The following MAGI2 variants were observed in gnomAD, a reference collection of about 807,000 sequenced individuals.
The protein encoded by MAGI2 is membrane associated guanylate kinase, WW and PDZ domain containing 2.
In MAGI2, 35 loss-of-function variants were observed where a neutral mutation model predicts 133.3. That is an observed-to-expected ratio of 0.26 (90% CI 0.20 to 0.35). The LOEUF (loss-of-function observed/expected upper bound fraction) is 0.35. Among genes scored for constraint, MAGI2 ranks in the 10% least tolerant of loss-of-function variants. The pLI, the probability that MAGI2 is intolerant of heterozygous loss-of-function variation, is 1.00. For synonymous variants in MAGI2, 729 were observed against 710.6 expected (o/e 1.03, Z -0.41); for missense variants, 1,636 against 1,863.4 (o/e 0.88, Z 2.25).
chr7:78,101,289 G>A (rs942240445), intron 20 of MAGI2, among the ~76,000 whole-genome samples: 1 of 152,096 alleles, frequency 6.6e-6, no homozygotes, highest in African/African-American at 2.4e-5. Flanking sequence ...AACACTTCCT[G>A]ATTTCAAATT....
At chr7:78,294,962 ACT>A (rs1797083754) in intron 9 of MAGI2, among the ~76,000 whole-genome samples, 1 of 145,412 alleles carries the variant, frequency 6.9e-6, no homozygotes. Flanking sequence ...AGTTATTCTA[ACT>A]CATCAGAACA....
At chr7:78,586,517 C>T (rs1375729709) in intron 3 of MAGI2, among the ~76,000 whole-genome samples, 1 of 152,174 alleles carries the variant, frequency 6.6e-6, no homozygotes, top group Non-Finnish European at 1.5e-5. Flanking sequence ...ACTGAACTAA[C>T]ACAATCTGTT....
intron 9 of MAGI2, among the ~76,000 whole-genome samples, chr7:78,308,447 A>G (rs940530950): frequency 6.6e-6 from 1 of 152,068 alleles, no homozygotes; most frequent in Non-Finnish European, 1.5e-5. Flanking sequence ...AAGGCTTCTT[A>G]TTTAGTAGGG....
At chr7:78,059,635 C>T (rs1813006250) in intron 21 of MAGI2, among the ~76,000 whole-genome samples, 1 of 152,148 alleles carries the variant, frequency 6.6e-6, no homozygotes. Context: ...CCCTGTCTGA[C>T]TATTCTGGTC....
In MAGI2 at chr7:78,736,829, T is replaced by TA. The variant is rs1404790569; in HGVS notation, c.419-109591dup. On this transcript the variant is annotated intron_variant, in intron 2 of 21. Coordinates refer to ENST00000354212, the MANE Select transcript of MAGI2 (RefSeq NM_012301.4). Reference sequence around the variant, plus strand: ...TTTAAGAATGTCCCTGACCAAACAGTAAAAAAAATGTTAAATCATAATTCT... The same window carrying TA: ...TTTAAGAATGTCCCTGACCAAACAGTAAAAAAAAATGTTAAATCATAATTCT... Among the ~76,000 whole-genome samples, 17 of 151,948 alleles carry TA rather than the reference T, an allele frequency of 1.1e-4. No homozygotes were observed. In the South Asian group the frequency reaches 1.7e-3, roughly 15 times the overall value.
chr7:78,741,422 C>G (rs1429757289), intron 2 of MAGI2, among the ~76,000 whole-genome samples: 1 of 110,192 alleles, frequency 9.1e-6, no homozygotes, highest in Non-Finnish European at 1.9e-5. Context: ...CACACACACA[C>G]ACACACGGGA....
At chr7:79,172,531 T>C (rs1307563363) in intron 1 of MAGI2, among the ~76,000 whole-genome samples, 2 of 152,106 alleles carry the variant, frequency 1.3e-5, no homozygotes, top group Non-Finnish European at 2.9e-5. Flanking sequence ...TCTATTGATA[T>C]ATCATGTTAA....
chr7:78,789,455 A>T (rs1215784949), intron 2 of MAGI2, among the ~76,000 whole-genome samples: 1 of 152,210 alleles, frequency 6.6e-6, no homozygotes, highest in Non-Finnish European at 1.5e-5. Flanking sequence ...TGCCATGATG[A>T]TTTCTTACCC....
At chr7:79,287,343 A>G (rs1446497195) in intron 1 of MAGI2, among the ~76,000 whole-genome samples, 2 of 152,118 alleles carry the variant, frequency 1.3e-5, no homozygotes, top group Non-Finnish European at 2.9e-5. Context: ...TATTATATTC[A>G]TATTCACTAA....
chr7:79,446,165 G>T (rs1848837054), intron 1 of MAGI2, among the ~76,000 whole-genome samples: 2 of 152,154 alleles, frequency 1.3e-5, no homozygotes, highest in Non-Finnish European at 2.9e-5. Flanking sequence ...TGGGCCTGTT[G>T]TGCAGTGGGA....
chr7:79,215,144 C>A, intron 1 of MAGI2, among the ~76,000 whole-genome samples: 1 of 151,768 alleles, frequency 6.6e-6, no homozygotes. Flanking sequence ...ACCCACCTCC[C>A]TTTGGAATTC....
chr7:78,852,897 A>T (rs564961207), intron 2 of MAGI2, among the ~76,000 whole-genome samples: 12 of 152,282 alleles, frequency 7.9e-5, no homozygotes, highest in African/African-American at 2.6e-4. Context: ...AGACAAGATA[A>T]AATTCCTATA....
intron 1 of MAGI2, among the ~76,000 whole-genome samples, chr7:79,070,943 T>C (rs1814901760): frequency 6.6e-6 from 1 of 152,212 alleles, no homozygotes; most frequent in African/African-American, 2.4e-5. Context: ...AGCCTACTTC[T>C]GTCAATTCAT....
intron 1 of MAGI2, among the ~76,000 whole-genome samples, chr7:79,315,782 T>G (rs966060210): frequency 6.6e-6 from 1 of 152,044 alleles, no homozygotes; most frequent in African/African-American, 2.4e-5. Context: ...GAGGCAGGAA[T>G]GGAGTCAAGA....
intron 1 of MAGI2, among the ~76,000 whole-genome samples, chr7:79,249,309 G>A (rs1833052607): frequency 6.6e-6 from 1 of 151,762 alleles, no homozygotes; most frequent in Admixed American, 6.6e-5. Context: ...AGAAGTAAGT[G>A]GAATTGAAAC....
chr7:79,011,929 CTTTCTTT>C (rs1562785454), intron 1 of MAGI2, among the ~76,000 whole-genome samples: 200 of 97,272 alleles, frequency 2.1e-3, no homozygotes, highest in Middle Eastern at 4.5e-3. Flanking sequence ...TCCTTCCTTT[CTTTCTTT>C]CTTTCTTTCT....
chr7:78,192,853 C>A (rs1037166588), intron 12 of MAGI2, among the ~76,000 whole-genome samples: 5 of 152,112 alleles, frequency 3.3e-5, no homozygotes, highest in South Asian at 4.1e-4. Context: ...GAGGCAGCAG[C>A]AGCAGCGGCA....
At chr7:79,014,051 G>A (rs1266102986) in intron 1 of MAGI2, among the ~76,000 whole-genome samples, 1 of 151,970 alleles carries the variant, frequency 6.6e-6, no homozygotes, top group East Asian at 1.9e-4. Context: ...ATAAGAAATG[G>A]AATAAGAAAG....
chr7:79,298,215 T>C (rs1837099896), intron 1 of MAGI2, among the ~76,000 whole-genome samples: 1 of 152,246 alleles, frequency 6.6e-6, no homozygotes, highest in African/African-American at 2.4e-5. Flanking sequence ...CATTTTTGTT[T>C]TAATGAGGGC....
Sources: gnomAD v4.1 joint callset for allele counts (sites outside exome capture counted in the v4.1 genomes callset) on GRCh38, gnomAD v4.1.1 for gene constraint, MANE v1.5 for transcripts, NCBI Gene and HGNC (gene_info 2026-07-23, HGNC 2026-07-21) for gene names.